The following OSBPL1A variants were observed in gnomAD, a reference collection of about 807,000 sequenced individuals.
The protein encoded by OSBPL1A is oxysterol-binding protein-related protein 1.
Under a neutral mutation model 137.1 loss-of-function variants are expected in OSBPL1A, and 80 were observed. The observed-to-expected ratio is 0.58, with a 90% confidence interval of 0.49 to 0.70. The LOEUF (loss-of-function observed/expected upper bound fraction) is 0.70. OSBPL1A is among the 30% of genes least tolerant of loss of function. The pLI, the probability that OSBPL1A is intolerant of heterozygous loss-of-function variation, is 0.00. For missense variants in OSBPL1A, 970 were observed against 1,129.4 expected (o/e 0.86, Z 2.02); for synonymous variants, 365 against 389.7 (o/e 0.94, Z 0.75).
intron 4 of OSBPL1A, 80 bp downstream of exon 4, chr18:24,366,812 A>G: frequency 7.2e-7 from 1 of 1,386,844 alleles, no homozygotes; most frequent in Non-Finnish European, 9.9e-7. Context: ...TGCTGGTCAG[A>G]TGGTTATAAC....
At chr18:24,369,437 CAA>C (rs769245704) in intron 2 of OSBPL1A, among the ~76,000 whole-genome samples, 1 of 152,184 alleles carries the variant, frequency 6.6e-6, no homozygotes, top group Non-Finnish European at 1.5e-5. Context: ...TATCAAATCC[CAA>C]AGTCACCTGC....
intron 5 of OSBPL1A, among the ~76,000 whole-genome samples, chr18:24,335,901 C>A (rs1460561915): frequency 6.6e-6 from 1 of 152,168 alleles, no homozygotes; most frequent in Non-Finnish European, 1.5e-5. Flanking sequence ...ATCTTCTTTT[C>A]CCACATTTTT....
intron 7 of OSBPL1A, among the ~76,000 whole-genome samples, chr18:24,332,427 T>C (rs547951335): frequency 2.1e-5 from 3 of 141,738 alleles, no homozygotes; most frequent in East Asian, 4.2e-4. Context: ...GCCCCTAGCA[T>C]TGTGCTGAAG....
intron 16 of OSBPL1A, among the ~76,000 whole-genome samples, chr18:24,227,832 T>C (rs552148430): frequency 6.6e-6 from 1 of 152,288 alleles, no homozygotes; most frequent in African/African-American, 2.4e-5. Context: ...TCTGTACTGG[T>C]ATTATTTAAG....
At chr18:24,328,664 C>A (rs1937743703) in intron 7 of OSBPL1A, among the ~76,000 whole-genome samples, 1 of 152,052 alleles carries the variant, frequency 6.6e-6, no homozygotes, top group Admixed American at 6.6e-5. Context: ...AACCAGAGAG[C>A]CTCCAGGACA....
At chr18:24,377,636 G>C in intron 1 of OSBPL1A, 101 bp from the exon 2 acceptor site, 1 of 1,224,842 alleles carries the variant, frequency 8.2e-7, no homozygotes, top group South Asian at 1.6e-5. Context: ...TCATTTTGCA[G>C]CTGATAAGAC....
At chr18:24,219,675 A>C (rs1022194569) in intron 17 of OSBPL1A, among the ~76,000 whole-genome samples, 7 of 152,038 alleles carry the variant, frequency 4.6e-5, no homozygotes, top group African/African-American at 9.7e-5. Flanking sequence ...AAATGCTAGA[A>C]CTGGAAGCAG....
intron 1 of OSBPL1A, among the ~76,000 whole-genome samples, chr18:24,394,522 G>C (rs2144294088): frequency 6.6e-6 from 1 of 152,294 alleles, no homozygotes; most frequent in East Asian, 1.9e-4. Flanking sequence ...CAGGTATGAA[G>C]AGCAGAGAAC....
intron 17 of OSBPL1A, among the ~76,000 whole-genome samples, chr18:24,206,513 A>C (rs902509651): frequency 5.9e-5 from 9 of 152,192 alleles, no homozygotes; most frequent in Non-Finnish European, 1.3e-4. Context: ...TTTTTCATTT[A>C]ATTAAAATGA....
At chr18:24,256,232 AAAATACTAGCAAACTGAAT>A (rs2089270446) in intron 15 of OSBPL1A, among the ~76,000 whole-genome samples, 1 of 152,242 alleles carries the variant, frequency 6.6e-6, no homozygotes, top group Admixed American at 6.5e-5. Context: ...AATCCTTGAC[AAAATACTAGCAAACTGAAT>A]TCAACAATAT....
intron 3 of OSBPL1A, 85 bp from the exon 4 acceptor site, chr18:24,367,051 T>G (rs2091713445): frequency 1.2e-5 from 14 of 1,128,392 alleles, no homozygotes; most frequent in Non-Finnish European, 1.7e-5. Context: ...CTTAAAAAAT[T>G]AAAATTGTTA....
intron 15 of OSBPL1A, among the ~76,000 whole-genome samples, chr18:24,254,171 C>T (rs190154278): frequency 2.6e-5 from 4 of 152,176 alleles, no homozygotes; most frequent in East Asian, 3.9e-4. Flanking sequence ...TATATATGCA[C>T]CAAATGCTGG....
intron 11 of OSBPL1A, among the ~76,000 whole-genome samples, chr18:24,315,865 G>C (rs1310101069): frequency 2.2e-4 from 15 of 67,866 alleles, no homozygotes; most frequent in African/African-American, 6.1e-4. Flanking sequence ...ATAATATATA[G>C]TATATATTAT....
intron 5 of OSBPL1A, among the ~76,000 whole-genome samples, chr18:24,339,931 A>G (rs2091245290): frequency 1.3e-5 from 2 of 152,176 alleles, no homozygotes; most frequent in Admixed American, 6.5e-5. Flanking sequence ...CTCAAGACTA[A>G]TCGGGGTAAT....
At chr18:24,381,993 A>T (rs1322347328) in intron 1 of OSBPL1A, among the ~76,000 whole-genome samples, 1 of 151,654 alleles carries the variant, frequency 6.6e-6, no homozygotes, top group Non-Finnish European at 1.5e-5. Flanking sequence ...CAAAAAATTA[A>T]AGATCCGTCA....
At chr18:24,258,170 A>T (rs765682563) in intron 15 of OSBPL1A, among the ~76,000 whole-genome samples, 4 of 152,200 alleles carry the variant, frequency 2.6e-5, no homozygotes, top group Non-Finnish European at 5.9e-5. Flanking sequence ...CTGCACTCCC[A>T]TGTTTGCTGT....
chr18:24,203,997 C>T (rs539080720), intron 17 of OSBPL1A, among the ~76,000 whole-genome samples: 2 of 152,276 alleles, frequency 1.3e-5, no homozygotes, highest in African/African-American at 2.4e-5. Context: ...AAAAATATTT[C>T]GATATATGAT....
chr18:24,214,654 G>T (rs2087640183), intron 17 of OSBPL1A, among the ~76,000 whole-genome samples: 1 of 152,180 alleles, frequency 6.6e-6, no homozygotes, highest in Admixed American at 6.5e-5. Flanking sequence ...AAAAATTGTT[G>T]ATCGTTGAAT....
At chr18:24,227,292 A>T (rs2088114773) in intron 16 of OSBPL1A, among the ~76,000 whole-genome samples, 1 of 152,222 alleles carries the variant, frequency 6.6e-6, no homozygotes, top group Non-Finnish European at 1.5e-5. Flanking sequence ...AATTAAAAAC[A>T]ACCTAAATAG....
Sources: gnomAD v4.1 joint callset for allele counts (sites outside exome capture counted in the v4.1 genomes callset) on GRCh38, gnomAD v4.1.1 for gene constraint, MANE v1.5 for transcripts, NCBI Gene and HGNC (gene_info 2026-07-23, HGNC 2026-07-21) for gene names.